Variants in PRRC2C observed in about 807,000 individuals in gnomAD.
PRRC2C encodes the protein proline rich coiled-coil 2C, also known as protein PRRC2C.
A neutral mutation model predicts 317.2 loss-of-function variants in PRRC2C; 72 were observed. The ratio of observed to expected loss-of-function variants is 0.23; its 90% CI spans 0.19 to 0.28. The LOEUF (loss-of-function observed/expected upper bound fraction) is 0.28. PRRC2C is among the 10% of genes least tolerant of loss of function. The pLI is 1.00. For synonymous variants in PRRC2C, 1,296 were observed against 1,205.9 expected, an observed-to-expected ratio of 1.07 and a Z score of -1.55; for missense variants, 3,074 against 3,459.7, an observed-to-expected ratio of 0.89 and a Z score of 2.80.
chr1:171,541,651 A>T lies in PRRC2C; in HGVS notation c.4185A>T (p.Arg1395Ser), dbSNP rs1325285142. The change falls in exon 16 of 35, where the codon AGA (arginine) becomes AGT (serine). Residue 1395 changes from arginine (R) to serine (S), a missense_variant. Arg to Ser is a moderately radical substitution (Grantham distance 110). Coordinates refer to ENST00000647382, the MANE Select transcript of PRRC2C (RefSeq NM_001387844.1). The surrounding 1 kb of genome is among the most constrained non-coding windows in gnomAD (Gnocchi z 4.1). ...CAGAAGATGGAGAGCCGCCAAGAAG[A>T]CATGAGCAGTTTATTCCTATAGCAG... ...PKPEDGEPPRRHEQFIPIAAD... is the reference protein window; with the variant it reads ...PKPEDGEPPRSHEQFIPIAAD... 6.2e-7 allele frequency: 1 copy of T among 1,613,854 alleles called. No homozygotes were observed. The highest frequency in any genetic ancestry group is 1.1e-5 in the South Asian group (1 of 91,068).
chr1:171,593,260 A>G lies in PRRC2C; in HGVS notation c.*1413A>G, dbSNP rs572243968. The G allele has an allele frequency of 2.6e-4, 39 of 147,582 alleles. No individual in the cohort carries two copies. Among genetic ancestry groups the G allele is most frequent in the African/African-American group, 9.6e-4 (39 of 40,762 alleles). 9.1% of individuals were successfully genotyped at this position (147,582 alleles called of 1,614,324 possible). On this transcript the variant is annotated 3_prime_UTR_variant, in exon 35 of 35. Coordinates refer to ENST00000647382, the MANE Select transcript of PRRC2C (RefSeq NM_001387844.1). The stretch of plus-strand genomic sequence containing the variant: ...GCTATTGGTCTTTTTATATAAATAT[A>G]TATATATATATACATATATATATAT...
At chr1:171,543,272 G>A (rs555264698) in intron 16 of PRRC2C, among the ~76,000 whole-genome samples, 5 of 149,998 alleles carry the variant, frequency 3.3e-5, no homozygotes, top group African/African-American at 9.8e-5. Flanking sequence ...GCAATGAGCC[G>A]AGATTGTGCC....
At chr1:171,551,770 G>T (rs1680296342) in intron 18 of PRRC2C, among the ~76,000 whole-genome samples, 1 of 152,180 alleles carries the variant, frequency 6.6e-6, no homozygotes, top group African/African-American at 2.4e-5. Flanking sequence ...TCAGATGGTT[G>T]TAGATGGGTG....
At chr1:171,563,948 C>T (rs946360713) in intron 20 of PRRC2C, among the ~76,000 whole-genome samples, 5 of 152,190 alleles carry the variant, frequency 3.3e-5, no homozygotes, top group Admixed American at 6.5e-5. Flanking sequence ...TGGGTGTTTA[C>T]GCTTACCTTC....
intron 34 of PRRC2C, 198 bp from the exon 35 acceptor site, chr1:171,591,389 T>TTTTA: frequency 5.0e-6 from 3 of 594,942 alleles, no homozygotes; most frequent in Non-Finnish European, 4.9e-6. Context: ...TTTTTTTTTT[T>TTTTA]AAATCACATG....
Position 171,537,249 on chromosome 1 carries a change from A to G in PRRC2C, c.2294-14A>G. Reference sequence around the variant, plus strand: ...AAAATCCTCATTTCACCTTTTTCTGAACTTTTGTTACAGGAATGATTCCTC... The same window carrying G: ...AAAATCCTCATTTCACCTTTTTCTGGACTTTTGTTACAGGAATGATTCCTC... On this transcript the variant is annotated splice_polypyrimidine_tract_variant and intron_variant, in intron 14 of 34. Transcript: ENST00000647382. 6.4e-7 allele frequency: 1 copy of G among 1,559,004 alleles called. No homozygotes were observed. Among genetic ancestry groups the G allele is most frequent in the Non-Finnish European group, 8.7e-7 (1 of 1,146,564 alleles).
At chr1:171,486,167 T>G (rs542105910) in intron 1 of PRRC2C, among the ~76,000 whole-genome samples, 12 of 140,224 alleles carry the variant, frequency 8.6e-5, no homozygotes, top group African/African-American at 3.2e-4. Context: ...ACTGAAGGAC[T>G]CAGCCGGGGC....
In PRRC2C at chr1:171,586,999, C is replaced by G. The variant is rs1216086547; in HGVS notation, c.7750-4C>G. 2 of 1,584,030 alleles carry G rather than the reference C, an allele frequency of 1.3e-6. No homozygotes were observed. Reference sequence around the variant, plus strand: ...GCTTCAGTTTCTCTTTACTTATTTTCTAGGTTACAGTACCTTTACCAGCAT... The same window carrying G: ...GCTTCAGTTTCTCTTTACTTATTTTGTAGGTTACAGTACCTTTACCAGCAT... On this transcript the variant is annotated splice_polypyrimidine_tract_variant and splice_region_variant and intron_variant, in intron 30 of 34. Transcript: ENST00000647382.
chr1:171,501,114 C>T (rs888522338), intron 1 of PRRC2C, among the ~76,000 whole-genome samples: 2 of 151,956 alleles, frequency 1.3e-5, no homozygotes, highest in African/African-American at 2.4e-5. Flanking sequence ...TCAGTCTGGT[C>T]TTGAACTCCT....
intron 1 of PRRC2C, among the ~76,000 whole-genome samples, chr1:171,502,254 C>G (rs903202154): frequency 6.6e-6 from 1 of 152,236 alleles, no homozygotes. Flanking sequence ...CAGTGGTTCT[C>G]AACTGTGGGT....
chr1:171,589,818 C>CTT (rs890627375), intron 34 of PRRC2C, among the ~76,000 whole-genome samples: 1 of 128,926 alleles, frequency 7.8e-6, no homozygotes, highest in Non-Finnish European at 1.7e-5. Flanking sequence ...TTTTCTTTTT[C>CTT]TTTTTTTTTG....
Position 171,579,563 on chromosome 1 carries a change from C to T in PRRC2C, c.7272+97C>T, listed in dbSNP as rs376084225. The T allele has an allele frequency of 3.7e-5, 54 of 1,446,422 alleles. 4 individuals carry two copies. Among genetic ancestry groups the T allele is most frequent in the East Asian group, 3.4e-4 (14 of 40,796 alleles). 89.6% of individuals were successfully genotyped at this position (1,446,422 alleles called of 1,614,324 possible). ...ACATAAATAATAGACTCTGAAATTA[C>T]AAGCTACCCACGATTAGCTTGATAT... is the stretch of plus-strand genomic sequence containing the variant. On this transcript the variant is annotated intron_variant, in intron 27 of 34. Coordinates refer to ENST00000647382, the MANE Select transcript of PRRC2C (RefSeq NM_001387844.1).
intron 1 of PRRC2C, among the ~76,000 whole-genome samples, chr1:171,489,308 A>T (rs1666696495): frequency 6.6e-6 from 1 of 152,234 alleles, no homozygotes; most frequent in South Asian, 2.1e-4. Context: ...TCTGATTTTT[A>T]AAATTTTTAG....
rs1649304821 is a variant in PRRC2C at position 171,584,056 on chromosome 1, G to T, written c.7510G>T (p.Ala2504Ser). The part of the protein sequence containing the change: ...NFPTVQHQEL[A>S]KAQSGLAFQQ... ...TCCAACTGTCCAACACCAAGAACTT[G>T]CCAAGGCACAATCCGGTCTTGCCTT... Residue 2504 changes from alanine (A) to serine (S), a missense_variant, in exon 29 of 35, where the codon GCC becomes TCC. Transcript: ENST00000647382. The T allele has an allele frequency of 2.5e-6, 4 of 1,613,922 alleles. No individual in the cohort carries two copies. In the East Asian group the frequency reaches 6.7e-5, roughly 27 times the overall value.
chr1:171,591,394 C>G, intron 34 of PRRC2C, 193 bp from the exon 35 acceptor site: 1 of 278,084 alleles, frequency 3.6e-6, no homozygotes, highest in Non-Finnish European at 5.9e-6. Flanking sequence ...TTTTTTAAAT[C>G]ACATGAAATA....
intron 29 of PRRC2C, 105 bp from the exon 30 acceptor site, chr1:171,584,310 TTATC>T (rs1649359804): frequency 1.0e-5 from 14 of 1,349,788 alleles, no homozygotes; most frequent in African/African-American, 2.9e-5. Context: ...GTCCTTTCAT[TTATC>T]TAATACTAAA....
At chr1:171,574,851 A>T in intron 24 of PRRC2C, 76 bp from the exon 25 acceptor site, 1 of 1,338,072 alleles carries the variant, frequency 7.5e-7, no homozygotes, top group Admixed American at 2.1e-5. Flanking sequence ...GCACTTAAAT[A>T]CTGATACATG....
chr1:171,585,492 T>C (rs192693310), intron 30 of PRRC2C, among the ~76,000 whole-genome samples: 72 of 152,320 alleles, frequency 4.7e-4, no homozygotes, highest in Non-Finnish European at 4.4e-5. Flanking sequence ...TGTTGTTTGC[T>C]ATTTTAGGGA....
chr1:171,587,606 GGA>G (rs1650344132), intron 31 of PRRC2C, 40 bp from the exon 32 acceptor site: 1 of 1,370,674 alleles, frequency 7.3e-7, no homozygotes, highest in African/African-American at 1.4e-5. Flanking sequence ...CTTAGCTTGT[GGA>G]ATTAAAGAAA....
Sources: gnomAD v4.1 joint callset for allele counts (sites outside exome capture counted in the v4.1 genomes callset) on GRCh38, gnomAD v4.1.1 for gene constraint, Gnocchi (gnomAD v3.1) non-coding constraint, MANE v1.5 for transcripts, NCBI Gene and HGNC (gene_info 2026-07-23, HGNC 2026-07-21) for gene names.